The following PLEKHG1 variants were observed in gnomAD, a reference collection of about 807,000 sequenced individuals.
PLEKHG1 encodes pleckstrin homology and RhoGEF domain containing G1.
Under a neutral mutation model 100.8 loss-of-function variants are expected in PLEKHG1, and 44 were observed. That is an observed-to-expected ratio of 0.44 (90% CI 0.34 to 0.56). PLEKHG1 has a LOEUF of 0.56. Ranked by LOEUF, PLEKHG1 falls within the 20% of genes least tolerant of loss-of-function variation. The probability of loss-of-function intolerance (pLI) is 0.01; values close to 1 mark genes in which losing one functional copy is unlikely to be tolerated. For missense variants in PLEKHG1, 1,545 were observed against 1,720.9 expected (o/e 0.90, Z 1.81); for synonymous variants, 640 against 662.5 (o/e 0.97, Z 0.52).
intron 1 of PLEKHG1, among the ~76,000 whole-genome samples, chr6:150,615,284 T>TA (rs143742262): frequency 0.079 from 12,091 of 152,282 alleles, 551 homozygotes; most frequent in Non-Finnish European, 0.1. Flanking sequence ...AAGCTCTGGA[T>TA]AACCTATAAC....
intron 3 of PLEKHG1, among the ~76,000 whole-genome samples, chr6:150,784,553 A>G (rs1222237043): frequency 6.6e-6 from 1 of 152,248 alleles, no homozygotes; most frequent in East Asian, 1.9e-4. Context: ...TACATTGGAA[A>G]TAGCAATACA....
At chr6:150,706,998 C>CTTTTTTTTTTTTTTTTTTTTTTTTTTTT (rs71014517) in intron 3 of PLEKHG1, among the ~76,000 whole-genome samples, 1 of 51,934 alleles carries the variant, frequency 1.9e-5, no homozygotes, top group African/African-American at 7.8e-5. Context: ...TTTTCTTTTT[C>CTTTTTTTTTTTTTTTTTTTTTTTTTTTT]TTTTTTTTTT....
intron 3 of PLEKHG1, among the ~76,000 whole-genome samples, chr6:150,681,294 G>A (rs1209269873): frequency 2.0e-5 from 3 of 151,966 alleles, no homozygotes; most frequent in Non-Finnish European, 4.4e-5. Context: ...GGCTGAGGCG[G>A]GTAGATCAAG....
intron 7 of PLEKHG1, among the ~76,000 whole-genome samples, chr6:150,804,944 T>C (rs1667683581): frequency 6.6e-6 from 1 of 152,012 alleles, no homozygotes; most frequent in African/African-American, 2.4e-5. Context: ...ATAACTTTTT[T>C]TTTTTTTTGA....
intron 2 of PLEKHG1, among the ~76,000 whole-genome samples, chr6:150,757,805 G>C (rs1379827715): frequency 6.6e-6 from 1 of 152,142 alleles, no homozygotes; most frequent in Admixed American, 6.6e-5. Context: ...CCATCACCCA[G>C]GTATTAAGCC....
At chr6:150,734,980 ATTTTTT>A (rs397888221) in intron 2 of PLEKHG1, among the ~76,000 whole-genome samples, 2 of 102,906 alleles carry the variant, frequency 1.9e-5, no homozygotes, top group Non-Finnish European at 3.9e-5. Flanking sequence ...TCAAGGGCAG[ATTTTTT>A]TTTTTTTTTT....
chr6:150,762,930 A>G (rs1455309589), intron 2 of PLEKHG1, among the ~76,000 whole-genome samples: 1 of 151,834 alleles, frequency 6.6e-6, no homozygotes, highest in Non-Finnish European at 1.5e-5. Context: ...TACTTTGTAA[A>G]TAATTCTTGT....
chr6:150,686,165 G>A (rs1340432791), intron 3 of PLEKHG1, among the ~76,000 whole-genome samples: 4 of 152,228 alleles, frequency 2.6e-5, no homozygotes, highest in Non-Finnish European at 5.9e-5. Flanking sequence ...GTCAGGATGA[G>A]GCACCTCTAC....
chr6:150,711,708 C>A (rs1192683093), intron 3 of PLEKHG1, among the ~76,000 whole-genome samples: 2 of 152,168 alleles, frequency 1.3e-5, no homozygotes, highest in Admixed American at 1.3e-4. Context: ...GGGTGTTTAT[C>A]TGTTTTGTTC....
intron 15 of PLEKHG1, among the ~76,000 whole-genome samples, chr6:150,835,406 A>T (rs1345849888): frequency 6.6e-6 from 1 of 152,126 alleles, no homozygotes; most frequent in Non-Finnish European, 1.5e-5. Context: ...AACATCAGAA[A>T]CATTTATTTT....
chr6:150,608,641 C>G (rs746930671), intron 1 of PLEKHG1, among the ~76,000 whole-genome samples: 1 of 152,246 alleles, frequency 6.6e-6, no homozygotes, highest in Non-Finnish European at 1.5e-5. Flanking sequence ...ATGCATAATA[C>G]AGACAGCAAT....
In PLEKHG1 at chr6:150,768,750, T is replaced by G. The variant is rs551150278; in HGVS notation, c.512+12T>G. 7.1e-7 allele frequency: 1 copy of G among 1,401,294 alleles called. No individual in the cohort carries two copies. The highest frequency in any genetic ancestry group is 1.2e-5 in the South Asian group (1 of 86,286). The allele number at this position is 1,401,294 out of a possible 1,614,324, so 86.8% of individuals were successfully genotyped here. ...TACCACTTCAATAGGTAAGTTAATA[T>G]TCAAAAGATTGTTCTCACATACGAG... On this transcript the variant is annotated intron_variant, in intron 3 of 15. Transcript: ENST00000358517.
At chr6:150,779,552 G>C (rs1785193241) in intron 3 of PLEKHG1, among the ~76,000 whole-genome samples, 1 of 151,768 alleles carries the variant, frequency 6.6e-6, no homozygotes, top group Non-Finnish European at 1.5e-5. Flanking sequence ...CACCATGTTA[G>C]TCAGGTTGGT....
At chr6:150,783,170 A>T (rs1785418676) in intron 3 of PLEKHG1, among the ~76,000 whole-genome samples, 1 of 79,236 alleles carries the variant, frequency 1.3e-5, no homozygotes, top group African/African-American at 1.3e-4. Context: ...AAAAAAAACT[A>T]AAAAAAAAAA....
intron 12 of PLEKHG1, among the ~76,000 whole-genome samples, chr6:150,820,623 G>A (rs1047869280): frequency 1.3e-5 from 2 of 152,100 alleles, no homozygotes; most frequent in African/African-American, 4.8e-5. Flanking sequence ...CCAGCATTTC[G>A]GGAGGCTGAG....
At chr6:150,717,393 C>G (rs1430658491), upstream of PLEKHG1, among the ~76,000 whole-genome samples, 1 of 151,948 alleles carries the variant, frequency 6.6e-6, no homozygotes, top group Admixed American at 6.6e-5. Flanking sequence ...TCACTCTGGT[C>G]TCGAACTTCT....
chr6:150,614,320 G>A (rs919233862), intron 1 of PLEKHG1, among the ~76,000 whole-genome samples: 3 of 152,144 alleles, frequency 2.0e-5, no homozygotes, highest in Non-Finnish European at 2.9e-5. Flanking sequence ...TGAAGGTCAC[G>A]TAGTTCACAC....
intron 1 of PLEKHG1, among the ~76,000 whole-genome samples, chr6:150,731,332 T>C (rs1782241557): frequency 6.6e-6 from 1 of 152,214 alleles, no homozygotes; most frequent in African/African-American, 2.4e-5. Context: ...AACTCTAGCA[T>C]GTGGTAGTGG....
upstream of PLEKHG1, among the ~76,000 whole-genome samples, chr6:150,717,491 T>A (rs555193635): frequency 8.4e-4 from 128 of 152,316 alleles, 3 homozygotes; most frequent in East Asian, 2.9e-3. Context: ...GGGAAGGGAT[T>A]TTTTTAAGTG....
Sources: gnomAD v4.1 joint callset for allele counts (sites outside exome capture counted in the v4.1 genomes callset) on GRCh38, gnomAD v4.1.1 for gene constraint, MANE v1.5 for transcripts, NCBI Gene and HGNC (gene_info 2026-07-23, HGNC 2026-07-21) for gene names.